The following WDR43 variants were observed in gnomAD, a reference collection of about 807,000 sequenced individuals.
The protein encoded by WDR43 is WD repeat domain 43.
In WDR43, 13 loss-of-function variants were observed where a neutral mutation model predicts 91.4. That is an observed-to-expected ratio of 0.14 (90% CI 0.09 to 0.23). WDR43 has a LOEUF of 0.23. WDR43 is among the 10% of genes least tolerant of loss of function. WDR43 has a pLI of 1.00. For synonymous variants in WDR43, 331 were observed against 287.9 expected (o/e 1.15, Z -1.51); for missense variants, 780 against 809.4 (o/e 0.96, Z 0.44).
chr2:28,924,270 T>A (rs1671088223), intron 7 of WDR43, among the ~76,000 whole-genome samples: 1 of 152,100 alleles, frequency 6.6e-6, no homozygotes, highest in African/African-American at 2.4e-5. Context: ...ATGTTAGAAG[T>A]AATGACCTCA....
At chr2:28,901,863 A>G (rs1670582692) in intron 1 of WDR43, 124 bp from the exon 2 acceptor site, 3 of 959,086 alleles carry the variant, frequency 3.1e-6, no homozygotes, top group Non-Finnish European at 4.5e-6. Flanking sequence ...AAATCACCCA[A>G]TAGCTTCTCT....
rs780702129 is a variant in WDR43, at chr2:28,927,720, C to T, written c.1305+20C>T. On this transcript the variant is annotated intron_variant, in intron 10 of 17. Coordinates refer to ENST00000407426, the MANE Select transcript of WDR43 (RefSeq NM_015131.3). ...AATGAGGTAATGCAACTGCTTTGAC[C>T]ATATATTTGAGTTTGTGATTTAAAA... 3 of 1,610,810 alleles carry T rather than the reference C, an allele frequency of 1.9e-6. No homozygotes were observed. Among genetic ancestry groups the T allele is most frequent in the South Asian group, 2.2e-5 (2 of 90,826 alleles).
At chr2:28,923,493 T>C (rs1671075788) in intron 7 of WDR43, among the ~76,000 whole-genome samples, 1 of 152,202 alleles carries the variant, frequency 6.6e-6, no homozygotes. Context: ...CCAAACCTTG[T>C]CATTATACTG....
rs1251449158 is a variant in WDR43, at chr2:28,941,510, G to A, written c.1670G>A (p.Ser557Asn). The change falls in exon 15 of 18, where the codon AGC becomes AAC. Residue 557 changes from serine (S) to asparagine (N), a missense_variant. By Grantham distance (46) the Ser-to-Asn change is conservative (BLOSUM62 1). Transcript: ENST00000407426. Reference protein sequence around the residue: ...QLGTLYQLMESRVKTFQKLSH... With the variant: ...QLGTLYQLMENRVKTFQKLSH... ...GGGACACTCTACCAGTTAATGGAAA[G>A]CAGAGTCAAAACTTTTCAGAAACTT... 2 of 1,613,568 alleles carry A rather than the reference G, an allele frequency of 1.2e-6. No individual in the cohort carries two copies. Among genetic ancestry groups the A allele is most frequent in the African/African-American group, 2.7e-5 (2 of 74,920 alleles).
chr2:28,904,543 G>T (rs1216349006), intron 2 of WDR43, among the ~76,000 whole-genome samples: 1 of 152,186 alleles, frequency 6.6e-6, no homozygotes, highest in Non-Finnish European at 1.5e-5. Flanking sequence ...GCATCATAAG[G>T]CTAAACACAT....
chr2:28,929,180 G>T (rs534964956), intron 10 of WDR43, among the ~76,000 whole-genome samples: 42 of 152,206 alleles, frequency 2.8e-4, no homozygotes, highest in African/African-American at 9.9e-4. Context: ...ATAATATTTT[G>T]TTTCCTCCTG....
At chr2:28,923,048 C>T in intron 7 of WDR43, 65 bp downstream of exon 7, 1 of 1,349,166 alleles carries the variant, frequency 7.4e-7, no homozygotes, top group South Asian at 1.3e-5. Flanking sequence ...TGGTCATACT[C>T]CCACCTGGTT....
intron 11 of WDR43, among the ~76,000 whole-genome samples, chr2:28,931,538 A>G (rs1367489439): frequency 6.6e-6 from 1 of 152,202 alleles, no homozygotes; most frequent in East Asian, 1.9e-4. Flanking sequence ...TCACTGTGGT[A>G]TCATTTAACA....
chr2:28,915,631 C>T (rs558778405), intron 5 of WDR43, among the ~76,000 whole-genome samples: 1 of 152,320 alleles, frequency 6.6e-6, no homozygotes, highest in Admixed American at 6.5e-5. Flanking sequence ...TGAAAAGCTG[C>T]CCAATGAGCT....
intron 16 of WDR43, 129 bp downstream of exon 16, chr2:28,942,510 G>C: frequency 1.0e-6 from 1 of 969,914 alleles, no homozygotes. Context: ...ATTAAAATAG[G>C]CAAGTCCGTG....
intron 14 of WDR43, among the ~76,000 whole-genome samples, chr2:28,940,498 G>A (rs1671415557): frequency 6.6e-6 from 1 of 152,134 alleles, no homozygotes; most frequent in South Asian, 2.1e-4. Flanking sequence ...CCAAAGTGCT[G>A]GGATTACAGG....
chr2:28,941,039 G>A (rs1354331679), intron 14 of WDR43, among the ~76,000 whole-genome samples: 1 of 152,080 alleles, frequency 6.6e-6, no homozygotes, highest in Non-Finnish European at 1.5e-5. Flanking sequence ...TGCCTCTTTG[G>A]GGCCTTACAG....
chr2:28,933,819 CGAAA>C (rs1203730255), intron 11 of WDR43, among the ~76,000 whole-genome samples: 4 of 152,082 alleles, frequency 2.6e-5, no homozygotes, highest in African/African-American at 4.8e-5. Context: ...GATAAAAATG[CGAAA>C]GACAGACAAT....
At chr2:28,895,324 C>T (rs776624267) in intron 1 of WDR43, 10 of 170,088 alleles carry the variant, frequency 5.9e-5, no homozygotes, top group East Asian at 1.6e-4. Context: ...TGTCTGTGAT[C>T]CGGCTCATCA....
chr2:28,903,299 A>G (rs1041313323), intron 2 of WDR43, among the ~76,000 whole-genome samples: 1 of 152,188 alleles, frequency 6.6e-6, no homozygotes, highest in Non-Finnish European at 1.5e-5. Context: ...ACATGGATTC[A>G]CAGAATTACT....
intron 9 of WDR43, 27 bp from the exon 10 acceptor site, chr2:28,927,542 C>T (rs757941642): frequency 6.2e-7 from 1 of 1,609,084 alleles, no homozygotes; most frequent in South Asian, 1.1e-5. Flanking sequence ...TTTCCTTTTT[C>T]ACACTTTGGC....
chr2:28,938,299 C>CAT (rs1349431891), intron 14 of WDR43, among the ~76,000 whole-genome samples: 20 of 152,276 alleles, frequency 1.3e-4, no homozygotes, highest in African/African-American at 4.8e-4. Flanking sequence ...AGATGTGACA[C>CAT]ACACACAGGC....
At chr2:28,946,355 TA>T in intron 16 of WDR43, 94 bp from the exon 17 acceptor site, 2 of 1,209,680 alleles carry the variant, frequency 1.7e-6, no homozygotes, top group Non-Finnish European at 2.2e-6. Flanking sequence ...ATAATATTTC[TA>T]AAAGTAAATT....
At chr2:28,924,027 G>T (rs181006337) in intron 7 of WDR43, among the ~76,000 whole-genome samples, 104 of 152,292 alleles carry the variant, frequency 6.8e-4, no homozygotes, top group Admixed American at 5.6e-3. Context: ...GATAGGAGGA[G>T]TAAGTTGGAA....
Sources: allele counts gnomAD v4.1 joint callset (sites outside exome capture counted in the v4.1 genomes callset), GRCh38; gene constraint gnomAD v4.1.1; transcripts MANE v1.5; gene names NCBI Gene and HGNC (gene_info 2026-07-23, HGNC 2026-07-21).